The following PCF11 variants were observed in gnomAD, a reference collection of about 807,000 sequenced individuals.
PCF11 encodes the protein pre-mRNA cleavage complex 2 protein Pcf11.
In PCF11, 19 loss-of-function variants were observed where a neutral mutation model predicts 166.1. The observed-to-expected ratio is 0.11, with a 90% CI of 0.08 to 0.17. PCF11 has a LOEUF of 0.17. PCF11 is among the 10% of genes least tolerant of loss of function. The pLI is 1.00. For missense variants in PCF11, 1,565 were observed against 1,855.5 expected (o/e 0.84, Z 2.88); for synonymous variants, 663 against 644.1 (o/e 1.03, Z -0.44).
chr11:83,183,398 C>A (rs1861150518), intron 15 of PCF11, among the ~76,000 whole-genome samples: 1 of 152,134 alleles, frequency 6.6e-6, no homozygotes, highest in South Asian at 2.1e-4. Context: ...AGATAAGGAT[C>A]CTGATGGGGA....
intron 1 of PCF11, chr11:83,157,846 TC>T (rs968077706): frequency 6.9e-6 from 4 of 578,368 alleles, no homozygotes; most frequent in African/African-American, 1.9e-5. Flanking sequence ...GAGTCCCACT[TC>T]CGCTTTCCAA....
chr11:83,164,296 A>G (rs1257147671), exon 4 of PCF11: 5 of 1,613,564 alleles, frequency 3.1e-6, no homozygotes, highest in Non-Finnish European at 4.2e-6. Context: ...AGAATCTTAC[A>G]CAAGAACAAC....
chr11:83,176,378 C>T (rs1022735822), intron 9 of PCF11, among the ~76,000 whole-genome samples: 6 of 152,166 alleles, frequency 3.9e-5, no homozygotes, highest in African/African-American at 7.2e-5. Flanking sequence ...TATAAAGACA[C>T]GTGCACACAT....
chr11:83,179,134 C>A (rs1452044950), intron 11 of PCF11, among the ~76,000 whole-genome samples: 1 of 151,590 alleles, frequency 6.6e-6, no homozygotes, highest in Admixed American at 6.6e-5. Context: ...GTAATACTTT[C>A]ACATAAAGGC....
At chr11:83,163,199 C>T (rs1485642364) in intron 2 of PCF11, among the ~76,000 whole-genome samples, 1 of 152,198 alleles carries the variant, frequency 6.6e-6, no homozygotes, top group East Asian at 1.9e-4. Flanking sequence ...ACCACAATAT[C>T]TTGTTCCTAT....
chr11:83,170,798 G>C (rs572315279), intron 8 of PCF11, among the ~76,000 whole-genome samples: 1 of 152,266 alleles, frequency 6.6e-6, no homozygotes, highest in South Asian at 2.1e-4. Context: ...ATAGTAGTAA[G>C]ATTGCATGGA....
At chr11:83,182,897 T>G (rs1861131388) in intron 14 of PCF11, 141 bp from the exon 15 acceptor site, 2 of 640,632 alleles carry the variant, frequency 3.1e-6, no homozygotes, top group Non-Finnish European at 5.6e-6. Flanking sequence ...AGGATGAAAA[T>G]TTGGTTTTAT....
At chr11:83,162,663 T>C (rs1211306195) in intron 2 of PCF11, among the ~76,000 whole-genome samples, 1 of 152,218 alleles carries the variant, frequency 6.6e-6, no homozygotes, top group Non-Finnish European at 1.5e-5. Context: ...ATAAATACAT[T>C]ATTATCTGAA....
At chr11:83,173,521 TG>T (rs1197566940) in intron 9 of PCF11, among the ~76,000 whole-genome samples, 1 of 148,354 alleles carries the variant, frequency 6.7e-6, no homozygotes, top group Non-Finnish European at 1.5e-5. Context: ...GTTTTGTTGT[TG>T]TTTTTTTTTT....
At position 83,171,804 on chromosome 11, in the gene PCF11, G is replaced by T; in HGVS notation, c.3661-14G>T. On this transcript the variant is annotated splice_polypyrimidine_tract_variant and intron_variant, in intron 8 of 15. Transcript: ENST00000298281. Reference sequence around the variant, plus strand: ...ATAGAAAGCATGTTCTTAAAATTAAGGTTTTTCTTAAAGGTTCTGAGTGGT... The same window carrying T: ...ATAGAAAGCATGTTCTTAAAATTAATGTTTTTCTTAAAGGTTCTGAGTGGT... 1 of 1,401,714 alleles carries T rather than the reference G, an allele frequency of 7.1e-7. No individual in the cohort carries two copies. The highest frequency in any genetic ancestry group is 1.0e-6 in the Non-Finnish European group (1 of 989,718). 86.8% of individuals were successfully genotyped at this position (1,401,714 alleles called of 1,614,324 possible).
At chr11:83,177,279 A>G (rs1378149006) in intron 10 of PCF11, 75 bp downstream of exon 10, 1 of 1,104,116 alleles carries the variant, frequency 9.1e-7, no homozygotes, top group African/African-American at 1.6e-5. Flanking sequence ...ATATAATGAT[A>G]TAAGTTATGA....
At chr11:83,173,535 T>TTA (rs1420479251) in intron 9 of PCF11, among the ~76,000 whole-genome samples, 2 of 150,936 alleles carry the variant, frequency 1.3e-5, no homozygotes, top group African/African-American at 4.9e-5. Flanking sequence ...TTTTTTTTTT[T>TTA]AGAGAATCAA....
intron 1 of PCF11, among the ~76,000 whole-genome samples, chr11:83,160,356 T>A (rs557667155): frequency 1.1e-3 from 156 of 142,978 alleles, no homozygotes; most frequent in Non-Finnish European, 1.9e-3. Context: ...CTTTTTTTTT[T>A]ATTTTAAATC....
chr11:83,176,935 T>C (rs1209970296), intron 9 of PCF11, 150 bp from the exon 10 acceptor site: 1 of 466,858 alleles, frequency 2.1e-6, no homozygotes, highest in Non-Finnish European at 3.6e-6. Context: ...CTTTTGAAAT[T>C]AAACTTATTA....
intron 7 of PCF11, among the ~76,000 whole-genome samples, chr11:83,168,133 C>T (rs1378927442): frequency 6.6e-6 from 1 of 151,976 alleles, no homozygotes; most frequent in Non-Finnish European, 1.5e-5. Context: ...TGATTTAATC[C>T]TCACAACAAT....
chr11:83,157,946 T>A, intron 1 of PCF11: 1 of 294,536 alleles, frequency 3.4e-6, no homozygotes, highest in South Asian at 6.7e-5. Context: ...AAAGGCAGTT[T>A]GTGGTTTGGG....
chr11:83,166,833 T>G (rs1005481284), intron 5 of PCF11, 119 bp downstream of exon 5: 1 of 863,460 alleles, frequency 1.2e-6, no homozygotes, highest in Non-Finnish European at 1.8e-6. Context: ...CATCTAATTC[T>G]TACATCTCTG....
exon 4 of PCF11, chr11:83,164,274 C>A (rs772179866): frequency 6.2e-7 from 1 of 1,613,634 alleles, no homozygotes; most frequent in Non-Finnish European, 8.5e-7. Flanking sequence ...CCAATTGTTC[C>A]TGATATACAA....
At chr11:83,161,937 T>C (rs1860272298) in intron 2 of PCF11, among the ~76,000 whole-genome samples, 2 of 152,356 alleles carry the variant, frequency 1.3e-5, no homozygotes, top group South Asian at 2.1e-4. Flanking sequence ...TTTGTTACAT[T>C]GTTCAAGGTA....
Sources: gnomAD v4.1 joint callset for allele counts (sites outside exome capture counted in the v4.1 genomes callset) on GRCh38, gnomAD v4.1.1 for gene constraint, MANE v1.5 for transcripts, NCBI Gene and HGNC (gene_info 2026-07-23, HGNC 2026-07-21) for gene names.